Variants in XBP1 observed in about 807,000 individuals in gnomAD.
The protein encoded by XBP1 is X-box-binding protein 1.
XBP1 carries 18 observed loss-of-function variants against 34.6 expected under a neutral mutation model. The observed-to-expected ratio is 0.52, with a 90% CI of 0.36 to 0.77. The LOEUF (loss-of-function observed/expected upper bound fraction) is 0.77, where lower values mean the gene tolerates loss of function less well. Among genes scored for constraint, XBP1 ranks in the 30% least tolerant of loss-of-function variants. The pLI is 0.00. For missense variants in XBP1, 422 were observed against 464.6 expected (o/e 0.91, Z 0.84); for synonymous variants, 191 against 193.4 (o/e 0.99, Z 0.11).
chr22:28,800,130 C>T (rs1569205501), intron 1 of XBP1, 168 bp downstream of exon 1: 1 of 809,000 alleles, frequency 1.2e-6, no homozygotes, highest in Non-Finnish European at 2.0e-6. Flanking sequence ...TCCGGTCAGT[C>T]CGGGCTTCCT....
intron 1 of XBP1, 82 bp from the exon 2 acceptor site, chr22:28,799,235 T>G: frequency 9.5e-7 from 1 of 1,055,440 alleles, no homozygotes; most frequent in Non-Finnish European, 1.4e-6. Flanking sequence ...CAGCTGGTGC[T>G]TTCATTTTTA....
At chr22:28,795,291 A>G (rs1401380336) in exon 6 of XBP1, 3 of 1,551,972 alleles carry the variant, frequency 1.9e-6, no homozygotes, top group Admixed American at 3.9e-5. Context: ...CCGTATCCAC[A>G]GTCACTGTAA....
In XBP1 at chr22:28,800,283, C is replaced by T. The variant is rs1243587344; in HGVS notation, c.227+15G>A. 24 of 1,550,078 alleles carry T rather than the reference C, an allele frequency of 1.5e-5. No individual in the cohort carries two copies. The highest frequency in any genetic ancestry group is 1.8e-4 in the Middle Eastern group (1 of 5,632). ...CGGCTTCAGATCTGGCCCCAGACCC[C>T]GGCCCCTCGCCCACCTCCTCAGCGC... is the stretch of plus-strand genomic sequence containing the variant. On this transcript the variant is annotated intron_variant, in intron 1 of 5. Coordinates refer to ENST00000344347, the Ensembl canonical transcript of XBP1.
chr22:28,797,166 T>C, exon 3 of XBP1: 1 of 1,613,548 alleles, frequency 6.2e-7, no homozygotes, highest in Non-Finnish European at 8.5e-7. Context: ...CCATGAGTTT[T>C]CTCTCGTAAA....
At chr22:28,797,330 C>G (rs920860567) in intron 2 of XBP1, 125 bp from the exon 3 acceptor site, 48 of 1,153,220 alleles carry the variant, frequency 4.2e-5, no homozygotes, top group Middle Eastern at 4.6e-4. Flanking sequence ...TTGTGGTGTT[C>G]ATAGTAGGTT....
chr22:28,795,788 A>T lies in XBP1; in HGVS notation c.574-56T>A, dbSNP rs74741032. ...ACTGTCAGAATACAATGGAAAATCTAACTGGAACACTTTGTACTGGGTTCC... is the reference window on the plus strand; with the variant it reads ...ACTGTCAGAATACAATGGAAAATCTTACTGGAACACTTTGTACTGGGTTCC... On this transcript the variant is annotated intron_variant, in intron 5 of 5. Coordinates refer to ENST00000344347, the Ensembl canonical transcript of XBP1. The T allele has an allele frequency of 1.3e-5, 20 of 1,489,950 alleles. No individual in the cohort carries two copies. The African/African-American group carries it at 2.8e-4, about 21-fold the overall frequency. 92.3% of individuals were successfully genotyped at this position (1,489,950 alleles called of 1,614,324 possible).
At chr22:28,800,112 G>A in intron 1 of XBP1, 186 bp downstream of exon 1, 1 of 740,766 alleles carries the variant, frequency 1.3e-6, no homozygotes, top group South Asian at 1.6e-5. Flanking sequence ...GGTTCCCAGC[G>A]TGGCGGATCC....
chr22:28,800,523 A>G (rs943468414), exon 1 of XBP1: 5 of 1,490,034 alleles, frequency 3.4e-6, no homozygotes, highest in Admixed American at 2.3e-5. Flanking sequence ...CACCACCACC[A>G]TAGCTCCAGA....
At chr22:28,800,127 A>T (rs1601439590) in intron 1 of XBP1, 171 bp downstream of exon 1, 1 of 768,914 alleles carries the variant, frequency 1.3e-6, no homozygotes, top group Non-Finnish European at 2.2e-6. Context: ...GGATCCGGTC[A>T]GTCCGGGCTT....
chr22:28,800,564 C>T (rs1382934363), upstream of XBP1: 20 of 1,461,702 alleles, frequency 1.4e-5, no homozygotes, highest in South Asian at 1.0e-4. Flanking sequence ...GCCGCAGCCG[C>T]CCAGCGCCCA....
At chr22:28,795,091 T>C (rs77215973), downstream of XBP1, 49 of 1,389,032 alleles carry the variant, frequency 3.5e-5, no homozygotes, top group Non-Finnish European at 4.2e-5. Context: ...TTTTGGCTTT[T>C]TGAATGAAGT....
At chr22:28,795,442 G>A (rs1306662868) in exon 6 of XBP1, 2 of 1,600,166 alleles carry the variant, frequency 1.2e-6, no homozygotes, top group Admixed American at 1.8e-5. Flanking sequence ...TCTCTGAGGG[G>A]CTGAGAGGTG....
chr22:28,796,427 A>G, intron 3 of XBP1: 1 of 374,154 alleles, frequency 2.7e-6, no homozygotes, highest in South Asian at 7.2e-5. Flanking sequence ...TGTGCAGGAA[A>G]TGTATAAGGA....
At chr22:28,799,194 C>T in intron 1 of XBP1, 41 bp from the exon 2 acceptor site, 1 of 1,498,130 alleles carries the variant, frequency 6.7e-7, no homozygotes, top group Non-Finnish European at 9.2e-7. Context: ...TCATATCAAA[C>T]CTTATTTATG....
At chr22:28,797,674 C>G (rs2031775216) in intron 2 of XBP1, among the ~76,000 whole-genome samples, 1 of 151,992 alleles carries the variant, frequency 6.6e-6, no homozygotes, top group Admixed American at 6.6e-5. Context: ...CCCAGCTAAT[C>G]TGGAGGCTGA....
At position 28,797,224 on chromosome 22, in the gene XBP1, G is replaced by C; in HGVS notation, c.325-19C>G. 6.2e-7 allele frequency: 1 copy of C among 1,609,240 alleles called. No homozygotes were observed. The highest frequency in any genetic ancestry group is 1.7e-5 in the Admixed American group (1 of 58,430). On this transcript the variant is annotated intron_variant, in intron 2 of 5. Coordinates refer to ENST00000344347, the Ensembl canonical transcript of XBP1. The stretch of plus-strand genomic sequence containing the variant: ...TTTGGTTCTGGAAGAAAGTTCATAA[G>C]AGGCTATTAAAACATCTAATTATTT...
intron 5 of XBP1, 123 bp from the exon 6 acceptor site, chr22:28,795,855 C>G: frequency 8.3e-7 from 1 of 1,206,508 alleles, no homozygotes; most frequent in Non-Finnish European, 1.1e-6. Flanking sequence ...GACCTCGGGA[C>G]CCACCAGACC....
At chr22:28,796,959 C>T in intron 3 of XBP1, 118 bp downstream of exon 3, 1 of 1,352,538 alleles carries the variant, frequency 7.4e-7, no homozygotes, top group Non-Finnish European at 1.0e-6. Flanking sequence ...TGTCTTAAAA[C>T]TGAAGGAAAA....
At chr22:28,795,258 C>T (rs1314254714) in exon 6 of XBP1, 3 of 1,551,346 alleles carry the variant, frequency 1.9e-6, no homozygotes, top group Non-Finnish European at 2.6e-6. Flanking sequence ...GAGGACATGT[C>T]ACTGAATGGG....
Sources: allele counts gnomAD v4.1 joint callset (sites outside exome capture counted in the v4.1 genomes callset), GRCh38; gene constraint gnomAD v4.1.1; transcripts MANE v1.5; gene names NCBI Gene and HGNC (gene_info 2026-07-23, HGNC 2026-07-21).